Variants in EBF3 observed in about 807,000 individuals in gnomAD.
The protein encoded by EBF3 is transcription factor COE3.
In EBF3, 18 loss-of-function variants were observed where a neutral mutation model predicts 77.1. The observed-to-expected ratio is 0.23, with a 90% CI of 0.16 to 0.35. The LOEUF (loss-of-function observed/expected upper bound fraction) is 0.35. EBF3 is among the 10% of genes least tolerant of loss of function. The pLI is 1.00. For missense variants in EBF3, 558 were observed against 860.0 expected (o/e 0.65, Z 4.39); for synonymous variants, 350 against 343.5 (o/e 1.02, Z -0.21).
chr10:129,956,136 T>C (rs1227185761), intron 6 of EBF3, among the ~76,000 whole-genome samples: 3 of 152,234 alleles, frequency 2.0e-5, no homozygotes, highest in Non-Finnish European at 4.4e-5. Context: ...AGCAAACAGC[T>C]ATTCCAGCTA....
chr10:129,855,125 C>T (rs1174027503), intron 10 of EBF3, among the ~76,000 whole-genome samples: 2 of 152,244 alleles, frequency 1.3e-5, no homozygotes, highest in Non-Finnish European at 2.9e-5. Flanking sequence ...CCGCTCACTG[C>T]AGGGTATTTC....
intron 10 of EBF3, among the ~76,000 whole-genome samples, chr10:129,852,124 C>A (rs981613187): frequency 2.0e-5 from 3 of 152,148 alleles, no homozygotes; most frequent in Admixed American, 6.5e-5. Flanking sequence ...GTATCCAGAG[C>A]GGGTCATACA....
chr10:129,953,627 C>T (rs930439740), intron 6 of EBF3, among the ~76,000 whole-genome samples: 5 of 152,202 alleles, frequency 3.3e-5, no homozygotes, highest in African/African-American at 9.7e-5. Flanking sequence ...CCGCCGAGCC[C>T]GCTCCCAGCG....
chr10:129,919,581 T>G lies in EBF3; in HGVS notation c.554+37677A>C, dbSNP rs193136278. ...GGAGCAGACTTAGAAAGCACAGCCC[T>G]GCCCCAGGCGTTGCCCTTGGTAAGC... is the stretch of plus-strand genomic sequence containing the variant. On this transcript the variant is annotated intron_variant, in intron 6 of 16. Coordinates refer to ENST00000440978, the MANE Select transcript of EBF3 (RefSeq NM_001375380.1). 5.1e-3 allele frequency among the ~76,000 whole-genome samples: 779 copies of G among 152,218 alleles called. 2 individuals are homozygous for G. The highest frequency in any genetic ancestry group is 7.9e-3 in the Non-Finnish European group (534 of 67,984).
chr10:129,914,253 A>AC (rs1255540871), intron 6 of EBF3, among the ~76,000 whole-genome samples: 4 of 152,140 alleles, frequency 2.6e-5, no homozygotes, highest in Non-Finnish European at 4.4e-5. Context: ...TGAGGAGGGC[A>AC]ATCTTGCACA....
rs1203761605 is a variant in EBF3, at chr10:129,864,903, C to G, written c.1039+2238G>C. Among the ~76,000 whole-genome samples, 1 of 152,186 alleles carries G rather than the reference C, an allele frequency of 6.6e-6. No homozygotes were observed. The highest frequency in any genetic ancestry group is 1.5e-5 in the Non-Finnish European group (1 of 68,034). ...CTCAGTGACTTTCCACAGGAAGGAC[C>G]ATTTATGGAGTGCCTGCCATGTGTT... On this transcript the variant is annotated intron_variant, in intron 10 of 16. Transcript: ENST00000440978. The surrounding 1 kb of genome is among the most constrained non-coding windows in gnomAD (Gnocchi z 4.4).
chr10:129,907,260 CT>C (rs929878496), intron 6 of EBF3, among the ~76,000 whole-genome samples: 1 of 152,254 alleles, frequency 6.6e-6, no homozygotes, highest in Admixed American at 6.5e-5. Flanking sequence ...GAGGGCGCCC[CT>C]GTTTGCAGCT....
intron 6 of EBF3, among the ~76,000 whole-genome samples, chr10:129,912,214 G>A (rs1001660938): frequency 2.0e-5 from 3 of 152,182 alleles, no homozygotes; most frequent in Non-Finnish European, 2.9e-5. Context: ...AAGGTAGAGG[G>A]AGAGGCAAGC....
intron 6 of EBF3, among the ~76,000 whole-genome samples, chr10:129,893,714 C>G (rs1051002178): frequency 6.6e-6 from 1 of 152,218 alleles, no homozygotes; most frequent in African/African-American, 2.4e-5. Flanking sequence ...ACGCATGAAA[C>G]CCGGACCACC....
chr10:129,925,939 G>A (rs1856641860), intron 6 of EBF3, among the ~76,000 whole-genome samples: 1 of 152,156 alleles, frequency 6.6e-6, no homozygotes, highest in South Asian at 2.1e-4. Flanking sequence ...GGGGGCCAGT[G>A]AAGATCTGTG....
chr10:129,875,187 C>CTTT (rs1193539598), intron 7 of EBF3, among the ~76,000 whole-genome samples: 87 of 92,936 alleles, frequency 9.4e-4, no homozygotes, highest in Non-Finnish European at 1.1e-3. Context: ...ATGGCTTCTT[C>CTTT]TTTTTTTTTT....
chr10:129,847,933 A>T (rs1000474386), intron 11 of EBF3, among the ~76,000 whole-genome samples: 1 of 152,220 alleles, frequency 6.6e-6, no homozygotes, highest in African/African-American at 2.4e-5. Flanking sequence ...AAGCTTTGTA[A>T]ACAAAAGATT....
chr10:129,907,042 A>C (rs897251895), intron 6 of EBF3, among the ~76,000 whole-genome samples: 26 of 152,230 alleles, frequency 1.7e-4, no homozygotes, highest in African/African-American at 6.0e-4. Context: ...ATTTTCCTTC[A>C]GAGTGCTCAA....
At chr10:129,899,796 T>G (rs1215470683) in intron 6 of EBF3, among the ~76,000 whole-genome samples, 1 of 152,212 alleles carries the variant, frequency 6.6e-6, no homozygotes, top group Non-Finnish European at 1.5e-5. Context: ...TCCTCTTCGC[T>G]GATAGCCAGG....
chr10:129,846,132 G>T (rs547330969), intron 11 of EBF3, among the ~76,000 whole-genome samples: 1 of 151,384 alleles, frequency 6.6e-6, no homozygotes, highest in East Asian at 1.9e-4. Flanking sequence ...GTGTGTGTGT[G>T]TGTGTGTGTG....
At chr10:129,892,653 T>A (rs1854101869) in intron 6 of EBF3, among the ~76,000 whole-genome samples, 1 of 152,096 alleles carries the variant, frequency 6.6e-6, no homozygotes, top group African/African-American at 2.4e-5. Context: ...ATAAATAGAG[T>A]ATGATTAGTC....
rs1004763868 is a variant in EBF3, at chr10:129,938,847, C to T, written c.554+18411G>A. Among the ~76,000 whole-genome samples, 1 of 152,148 alleles carries T rather than the reference C, an allele frequency of 6.6e-6. No homozygotes were observed. Among genetic ancestry groups the T allele is most frequent in the African/African-American group, 2.4e-5 (1 of 41,432 alleles). On this transcript the variant is annotated intron_variant, in intron 6 of 16. Transcript: ENST00000440978. This position sits in a 1 kb window ranked among gnomAD's most constrained non-coding sequence, Gnocchi z 5.1. ...AGAGAACAGAACTTTGGGGCAGAAC[C>T]AGGAAGAACCCACTGCAGGCCTTCT...
At chr10:129,906,344 A>T (rs948540463) in intron 6 of EBF3, among the ~76,000 whole-genome samples, 6 of 152,234 alleles carry the variant, frequency 3.9e-5, no homozygotes, top group African/African-American at 1.4e-4. Context: ...CAGTTTTCAC[A>T]GCATTGCCAA....
intron 11 of EBF3, among the ~76,000 whole-genome samples, chr10:129,846,853 T>G (rs1001745161): frequency 6.7e-6 from 1 of 149,604 alleles, no homozygotes; most frequent in Non-Finnish European, 1.5e-5. Flanking sequence ...GGCTAACTGA[T>G]CTGTCACCCT....
Sources: gnomAD v4.1 joint callset for allele counts (sites outside exome capture counted in the v4.1 genomes callset) on GRCh38, gnomAD v4.1.1 for gene constraint, Gnocchi (gnomAD v3.1) non-coding constraint, MANE v1.5 for transcripts, NCBI Gene and HGNC (gene_info 2026-07-23, HGNC 2026-07-21) for gene names.